The following MCC variants were observed in gnomAD, a reference collection of about 807,000 sequenced individuals.
MCC encodes the protein MCC regulator of Wnt signaling pathway.
Under a neutral mutation model 116.2 loss-of-function variants are expected in MCC, and 90 were observed. The ratio of observed to expected loss-of-function variants is 0.77; its 90% CI spans 0.65 to 0.92. The LOEUF (loss-of-function observed/expected upper bound fraction) is 0.92. MCC is among the 40% of genes least tolerant of loss of function. MCC has a pLI of 0.00. For synonymous variants in MCC, 578 were observed against 510.5 expected, an observed-to-expected ratio of 1.13 and a Z score of -1.78; for missense variants, 1,516 against 1,312.2, an observed-to-expected ratio of 1.16 and a Z score of -2.40.
intron 1 of MCC, chr5:113,433,398 C>T (rs545625015): frequency 1.7e-5 from 9 of 542,506 alleles, no homozygotes; most frequent in Non-Finnish European, 3.2e-5. Context: ...GACAGCGGTG[C>T]CTTCCTGCTG....
intron 1 of MCC, among the ~76,000 whole-genome samples, chr5:113,460,825 G>A (rs375367370): frequency 2.7e-4 from 41 of 152,174 alleles, no homozygotes; most frequent in African/African-American, 8.2e-4. Flanking sequence ...TGTCAGAAAC[G>A]TAGAACCTCA....
intron 1 of MCC, among the ~76,000 whole-genome samples, chr5:113,389,937 A>C (rs1412129423): frequency 6.6e-6 from 1 of 152,200 alleles, no homozygotes; most frequent in East Asian, 1.9e-4. Flanking sequence ...TAAAACACTA[A>C]TAACCCTGTA....
intron 8 of MCC, among the ~76,000 whole-genome samples, chr5:113,089,214 T>C (rs1444681275): frequency 6.6e-6 from 1 of 152,104 alleles, no homozygotes; most frequent in Non-Finnish European, 1.5e-5. Flanking sequence ...ACAAGGAGTG[T>C]CAAAGTGCAG....
At chr5:113,117,473 A>G (rs915988230) in intron 6 of MCC, among the ~76,000 whole-genome samples, 1 of 152,188 alleles carries the variant, frequency 6.6e-6, no homozygotes, top group Non-Finnish European at 1.5e-5. Context: ...AAGGGTATAA[A>G]CCTCAACCCT....
In MCC at chr5:113,434,061, C is replaced by T. The variant is rs535839960; in HGVS notation, c.171-48849G>A. On this transcript the variant is annotated intron_variant, in intron 1 of 18. Transcript: ENST00000408903. The surrounding 1 kb of genome is among the most constrained non-coding windows in gnomAD (Gnocchi z 4.2). Reference sequence around the variant, plus strand: ...GCTGAGGATCTCGTCGATGTGGAGCCGCCGGTTGACGTCGGGCTGCAGCAT... The same window carrying T: ...GCTGAGGATCTCGTCGATGTGGAGCTGCCGGTTGACGTCGGGCTGCAGCAT... The T allele has an allele frequency of 5.0e-6, 8 of 1,614,118 alleles. No individual in the cohort carries two copies. The highest frequency in any genetic ancestry group is 1.3e-5 in the African/African-American group (1 of 75,054).
At chr5:113,162,707 C>A (rs1760557961) in intron 3 of MCC, among the ~76,000 whole-genome samples, 6 of 152,064 alleles carry the variant, frequency 3.9e-5, no homozygotes, top group Admixed American at 3.9e-4. Flanking sequence ...CCATGTTGCC[C>A]AGGCTGGTCT....
intron 3 of MCC, among the ~76,000 whole-genome samples, chr5:113,191,749 T>C (rs767884435): frequency 2.0e-5 from 3 of 152,186 alleles, no homozygotes; most frequent in Non-Finnish European, 2.9e-5. Context: ...ACGCAATTGA[T>C]TATAGAACAG....
chr5:113,485,532 G>A (rs575773193), intron 1 of MCC, among the ~76,000 whole-genome samples: 8 of 152,292 alleles, frequency 5.3e-5, no homozygotes, highest in African/African-American at 1.9e-4. Context: ...TAATGATACA[G>A]GCACAACTTA....
chr5:113,394,570 T>C (rs938253518), intron 1 of MCC, among the ~76,000 whole-genome samples: 6 of 152,214 alleles, frequency 3.9e-5, no homozygotes, highest in African/African-American at 9.6e-5. Context: ...GTCACTGTTA[T>C]TTTACATGCT....
At chr5:113,313,268 A>G (rs1767182379) in intron 3 of MCC, among the ~76,000 whole-genome samples, 2 of 152,022 alleles carry the variant, frequency 1.3e-5, no homozygotes, top group South Asian at 4.1e-4. Flanking sequence ...AATCGCTTGA[A>G]CCCAGGAGGC....
At chr5:113,181,386 C>T (rs6896522) in intron 3 of MCC, among the ~76,000 whole-genome samples, 86,014 of 152,068 alleles carry the variant, frequency 0.57, 27,006 homozygotes, top group Admixed American at 0.71. Context: ...TTTGGCTAGG[C>T]TGTTTTATTG....
intron 1 of MCC, among the ~76,000 whole-genome samples, chr5:113,467,894 C>A (rs1195769870): frequency 1.3e-5 from 2 of 151,492 alleles, no homozygotes; most frequent in African/African-American, 4.9e-5. Flanking sequence ...TGAAGAGGTC[C>A]TTCACATCCC....
chr5:113,166,308 A>G (rs1193625282), intron 3 of MCC, among the ~76,000 whole-genome samples: 1 of 152,232 alleles, frequency 6.6e-6, no homozygotes, highest in African/African-American at 2.4e-5. Flanking sequence ...CATTTTTACA[A>G]TACAAAAACT....
At chr5:113,145,965 T>C (rs1340229469) in intron 4 of MCC, among the ~76,000 whole-genome samples, 2 of 152,162 alleles carry the variant, frequency 1.3e-5, no homozygotes, top group Non-Finnish European at 2.9e-5. Context: ...TCAGATGGAA[T>C]AGGGCTTGTA....
chr5:113,092,800 T>C (rs1320844978), intron 8 of MCC, among the ~76,000 whole-genome samples: 3 of 152,192 alleles, frequency 2.0e-5, no homozygotes. Flanking sequence ...CTGGGGTACT[T>C]GGTCAAAGCA....
At chr5:113,415,334 C>T (rs1305175303) in intron 1 of MCC, among the ~76,000 whole-genome samples, 3 of 152,090 alleles carry the variant, frequency 2.0e-5, no homozygotes, top group Non-Finnish European at 4.4e-5. Flanking sequence ...GTTGGGGAAG[C>T]TCTCCTGGAT....
intron 1 of MCC, among the ~76,000 whole-genome samples, chr5:113,407,440 T>TCTGCAAAAA (rs920391048): frequency 3.9e-5 from 6 of 152,206 alleles, no homozygotes; most frequent in Admixed American, 1.3e-4. Context: ...TACAACTGCA[T>TCTGCAAAAA]CTGCAAAAAC....
At chr5:113,124,338 G>A (rs1044767659) in intron 5 of MCC, among the ~76,000 whole-genome samples, 2 of 152,166 alleles carry the variant, frequency 1.3e-5, no homozygotes, top group African/African-American at 4.8e-5. Context: ...AGATACATTA[G>A]CTCTCCTTTC....
chr5:113,079,745 T>G (rs1205973543), intron 11 of MCC, among the ~76,000 whole-genome samples: 1 of 152,226 alleles, frequency 6.6e-6, no homozygotes. Flanking sequence ...GACATAGGCA[T>G]GGGCAAGGAC....
Sources: allele counts gnomAD v4.1 joint callset (sites outside exome capture counted in the v4.1 genomes callset), GRCh38; gene constraint gnomAD v4.1.1; non-coding constraint Gnocchi (gnomAD v3.1); transcripts MANE v1.5; gene names NCBI Gene and HGNC (gene_info 2026-07-23, HGNC 2026-07-21).